Variants in NPAS2 observed in about 807,000 individuals in gnomAD.
The protein encoded by NPAS2 is neuronal PAS domain-containing protein 2.
NPAS2 carries 23 observed loss-of-function variants against 107.5 expected under a neutral mutation model. That is an observed-to-expected ratio of 0.21 (90% CI 0.15 to 0.30). NPAS2 has a LOEUF of 0.30. NPAS2 is among the 10% of genes least tolerant of loss of function. NPAS2 has a pLI of 1.00. For missense variants in NPAS2, 756 were observed against 1,043.3 expected (o/e 0.72, Z 3.79); for synonymous variants, 403 against 417.5 (o/e 0.97, Z 0.42).
intron 7 of NPAS2, among the ~76,000 whole-genome samples, chr2:100,950,503 A>G (rs1486222037): frequency 6.6e-6 from 1 of 152,190 alleles, no homozygotes. Context: ...CAGGGTTTCT[A>G]TTAGAAACAG....
chr2:100,936,141 A>T (rs531775234), intron 4 of NPAS2, among the ~76,000 whole-genome samples: 1 of 152,306 alleles, frequency 6.6e-6, no homozygotes, highest in South Asian at 2.1e-4. Flanking sequence ...AAAATAATAA[A>T]TGAGTCTAGT....
At chr2:100,990,663 A>T in intron 18 of NPAS2, 117 bp from the exon 19 acceptor site, 1 of 1,065,046 alleles carries the variant, frequency 9.4e-7, no homozygotes, top group Non-Finnish European at 1.4e-6. Flanking sequence ...AAGCCAGGAG[A>T]GTGGGGATTA....
chr2:100,890,916 G>C (rs1681013417), intron 1 of NPAS2, among the ~76,000 whole-genome samples: 1 of 152,030 alleles, frequency 6.6e-6, no homozygotes. Flanking sequence ...GCAGTGTGCT[G>C]TCTGCTTAAA....
At position 100,953,381 on chromosome 2, in the gene NPAS2, A is replaced by C. The variant is rs542557668; in HGVS notation, c.598+3901A>C. ...AGAGTGAAACTCCATCTCATAAAAA[A>C]AAAAAAAAACAAAAAAAACACCCTA... On this transcript the variant is annotated intron_variant, in intron 7 of 20. Transcript: ENST00000335681. Among the ~76,000 whole-genome samples, 1,032 of 151,794 alleles carry C rather than the reference A, an allele frequency of 6.8e-3. 16 individuals carry two copies. Among genetic ancestry groups the C allele is most frequent in the African/African-American group, 0.023 (936 of 41,400 alleles).
chr2:100,975,279 T>C, intron 13 of NPAS2, 179 bp from the exon 14 acceptor site: 1 of 637,758 alleles, frequency 1.6e-6, no homozygotes, highest in South Asian at 2.0e-5. Context: ...TTGTGGTGTC[T>C]CCTACCTGCT....
chr2:100,839,731 C>T (rs1677277437), intron 1 of NPAS2, among the ~76,000 whole-genome samples: 1 of 152,082 alleles, frequency 6.6e-6, no homozygotes, highest in African/African-American at 2.4e-5. Context: ...TATTTCTATA[C>T]AGATTATTTT....
intron 3 of NPAS2, among the ~76,000 whole-genome samples, chr2:100,932,510 T>C (rs758165663): frequency 9.9e-5 from 15 of 151,732 alleles, no homozygotes; most frequent in Non-Finnish European, 2.1e-4. Flanking sequence ...GTGAAGTGTT[T>C]TGCTTCACCT....
Position 100,927,051 on chromosome 2 carries a change from G to T in NPAS2, c.181+1757G>T, listed in dbSNP as rs185641481. 7.6e-3 allele frequency among the ~76,000 whole-genome samples: 1,118 copies of T among 148,062 alleles called. 13 individuals carry two copies. The highest frequency in any genetic ancestry group is 0.025 in the African/African-American group (991 of 40,088). On this transcript the variant is annotated intron_variant, in intron 3 of 20. Coordinates refer to ENST00000335681, the MANE Select transcript of NPAS2 (RefSeq NM_002518.4). Reference sequence around the variant, plus strand: ...CCTCCAGGGTTCACACCATTCTCCTGCCTCAGCCTCCTGAGTAGCTGGGAC... The same window carrying T: ...CCTCCAGGGTTCACACCATTCTCCTTCCTCAGCCTCCTGAGTAGCTGGGAC...
intron 1 of NPAS2, among the ~76,000 whole-genome samples, chr2:100,871,622 C>T (rs549559237): frequency 1.0e-3 from 156 of 152,192 alleles, no homozygotes; most frequent in African/African-American, 2.3e-3. Context: ...TGAGCCACCA[C>T]GCCTGGCCTG....
chr2:100,875,868 G>A (rs1679934922), intron 1 of NPAS2, among the ~76,000 whole-genome samples: 1 of 152,102 alleles, frequency 6.6e-6, no homozygotes, highest in East Asian at 1.9e-4. Context: ...ACACCCACAT[G>A]GAATCAAATA....
intron 20 of NPAS2, chr2:100,994,199 G>C (rs540022153): frequency 2.0e-5 from 3 of 152,538 alleles, no homozygotes; most frequent in Non-Finnish European, 4.4e-5. Context: ...TCCCTGTCCT[G>C]GGGGGGCTTC....
At chr2:100,947,063 G>A (rs1346388380) in intron 5 of NPAS2, among the ~76,000 whole-genome samples, 1 of 152,154 alleles carries the variant, frequency 6.6e-6, no homozygotes, top group South Asian at 2.1e-4. Context: ...GGCTGAGGCT[G>A]GAACATGAGA....
intron 1 of NPAS2, among the ~76,000 whole-genome samples, chr2:100,899,558 G>A (rs923307647): frequency 1.3e-5 from 2 of 152,100 alleles, no homozygotes; most frequent in East Asian, 3.8e-4. Context: ...TCAGTGTTGC[G>A]ACAAATGCAC....
At chr2:100,907,521 C>CAT (rs1170666011) in intron 2 of NPAS2, among the ~76,000 whole-genome samples, 1 of 151,226 alleles carries the variant, frequency 6.6e-6, no homozygotes, top group African/African-American at 2.4e-5. Flanking sequence ...CACACACACA[C>CAT]ACCCCTAAGA....
intron 1 of NPAS2, among the ~76,000 whole-genome samples, chr2:100,875,461 TAC>T (rs56331462): frequency 0.042 from 6,057 of 143,538 alleles, 196 homozygotes; most frequent in African/African-American, 0.091. Context: ...ATTAAAAGCT[TAC>T]ACACACACAC....
chr2:100,858,518 G>T (rs184635465), intron 1 of NPAS2, among the ~76,000 whole-genome samples: 2 of 152,154 alleles, frequency 1.3e-5, no homozygotes, highest in African/African-American at 4.8e-5. Context: ...TGGTCTCTGT[G>T]TTCCCTTTCG....
intron 2 of NPAS2, among the ~76,000 whole-genome samples, chr2:100,908,954 A>T (rs957815750): frequency 1.3e-5 from 2 of 152,194 alleles, no homozygotes; most frequent in African/African-American, 4.8e-5. Flanking sequence ...CCTAATTCTT[A>T]GTCTCAATGT....
chr2:100,966,206 G>T (rs900749707), intron 10 of NPAS2, among the ~76,000 whole-genome samples: 20 of 152,114 alleles, frequency 1.3e-4, no homozygotes, highest in African/African-American at 4.3e-4. Flanking sequence ...TTGCTGTCCC[G>T]CAGGGCAGGT....
At chr2:100,855,370 C>T (rs1046105801) in intron 1 of NPAS2, among the ~76,000 whole-genome samples, 3 of 152,102 alleles carry the variant, frequency 2.0e-5, no homozygotes, top group East Asian at 1.9e-4. Context: ...GCCTCGACCG[C>T]GGGTAGAGCT....
Sources: allele counts gnomAD v4.1 joint callset (sites outside exome capture counted in the v4.1 genomes callset), GRCh38; gene constraint gnomAD v4.1.1; transcripts MANE v1.5; gene names NCBI Gene and HGNC (gene_info 2026-07-23, HGNC 2026-07-21).